RPSA2: variants seen among roughly 807,000 people sequenced by gnomAD.
RPSA2 encodes the protein small ribosomal subunit protein uS2B.
At chr19:23,773,276 A>G in the RPSA2 span, among the ~76,000 whole-genome samples, 1 of 85,130 alleles carries the variant, frequency 1.2e-5, no homozygotes, top group African/African-American at 4.6e-5. Flanking sequence ...TGATATATAT[A>G]TATATATATA....
At chr19:23,791,680 C>T in the RPSA2 span, among the ~76,000 whole-genome samples, 1 of 152,082 alleles carries the variant, frequency 6.6e-6, no homozygotes, top group Non-Finnish European at 1.5e-5. Flanking sequence ...CTCCCTAATT[C>T]ACTTTATCAA....
chr19:23,857,649 C>A, the RPSA2 span, among the ~76,000 whole-genome samples: 10 of 74,166 alleles, frequency 1.3e-4, no homozygotes, highest in Non-Finnish European at 1.9e-4. Context: ...CACCACCACA[C>A]CTAGCTAATT....
At chr19:23,805,030 C>CAGGACAGTGTGGCTTAGGTAAGGAT in the RPSA2 span, among the ~76,000 whole-genome samples, 2 of 152,074 alleles carry the variant, frequency 1.3e-5, no homozygotes, top group Non-Finnish European at 2.9e-5. Flanking sequence ...TTGTTAAGGA[C>CAGGACAGTGTGGCTTAGGTAAGGAT]AGGACAGTGT....
chr19:23,862,602 T>G, the RPSA2 span, among the ~76,000 whole-genome samples: 1 of 152,208 alleles, frequency 6.6e-6, no homozygotes, highest in Non-Finnish European at 1.5e-5. Context: ...TGTTGAATTT[T>G]TCAAAGGCCT....
the RPSA2 span, among the ~76,000 whole-genome samples, chr19:23,841,716 G>A: frequency 6.6e-6 from 1 of 151,452 alleles, no homozygotes; most frequent in Non-Finnish European, 1.5e-5. Context: ...TGTGTACAGG[G>A]TGAGCAGCTT....
the RPSA2 span, among the ~76,000 whole-genome samples, chr19:23,820,092 A>G: frequency 6.6e-6 from 1 of 152,162 alleles, no homozygotes; most frequent in Non-Finnish European, 1.5e-5. Context: ...ACATGTTTCA[A>G]TATCCCCCTG....
At chr19:23,765,879 A>G in the RPSA2 span, among the ~76,000 whole-genome samples, 16 of 152,318 alleles carry the variant, frequency 1.1e-4, no homozygotes. Flanking sequence ...ACACAGATGA[A>G]CAGGGTTCAA....
the RPSA2 span, among the ~76,000 whole-genome samples, chr19:23,866,149 C>G: frequency 7.0e-4 from 107 of 152,182 alleles, no homozygotes; most frequent in Non-Finnish European, 1.4e-3. Context: ...ACCAGTCTTC[C>G]TTAGCCACCA....
chr19:23,835,063 C>A, the RPSA2 span, among the ~76,000 whole-genome samples: 1 of 152,058 alleles, frequency 6.6e-6, no homozygotes, highest in Non-Finnish European at 1.5e-5. Flanking sequence ...GTATTACAAG[C>A]AATTCAATTC....
chr19:23,773,305 AGAC>A, the RPSA2 span, among the ~76,000 whole-genome samples: 1 of 145,162 alleles, frequency 6.9e-6, no homozygotes, highest in Non-Finnish European at 1.5e-5. Context: ...TTTTTTTTTA[AGAC>A]AGAGTCTCAC....
chr19:23,866,203 G>C, the RPSA2 span, among the ~76,000 whole-genome samples: 1 of 152,196 alleles, frequency 6.6e-6, no homozygotes, highest in Non-Finnish European at 1.5e-5. Context: ...TTACAGTGCA[G>C]TCTTTTCTAC....
At chr19:23,845,667 T>G in the RPSA2 span, among the ~76,000 whole-genome samples, 1 of 152,124 alleles carries the variant, frequency 6.6e-6, no homozygotes, top group African/African-American at 2.4e-5. Context: ...ATTTTTAAAT[T>G]TTTTTTGTAG....
chr19:23,772,073 C>T, the RPSA2 span, among the ~76,000 whole-genome samples: 3 of 152,196 alleles, frequency 2.0e-5, no homozygotes, highest in African/African-American at 7.2e-5. Context: ...GGATTGCGTG[C>T]TCCTGCCTGG....
At chr19:23,843,265 C>A in the RPSA2 span, 5 of 203,886 alleles carry the variant, frequency 2.5e-5, no homozygotes, top group South Asian at 4.2e-4. Flanking sequence ...AGACAGTGGT[C>A]AAATACTCTG....
At chr19:23,769,630 C>A in the RPSA2 span, among the ~76,000 whole-genome samples, 1 of 152,212 alleles carries the variant, frequency 6.6e-6, no homozygotes, top group Non-Finnish European at 1.5e-5. Context: ...AGGCGTGAGC[C>A]ACGATGCCCG....
chr19:23,860,438 C>A, the RPSA2 span, among the ~76,000 whole-genome samples: 47 of 152,310 alleles, frequency 3.1e-4, no homozygotes, highest in African/African-American at 1.1e-3. Context: ...AGAGTATCAC[C>A]TTTTCTTTCC....
At chr19:23,807,029 G>A in the RPSA2 span, among the ~76,000 whole-genome samples, 1 of 152,018 alleles carries the variant, frequency 6.6e-6, no homozygotes, top group Non-Finnish European at 1.5e-5. Flanking sequence ...AAACTTGTTC[G>A]AGTGCATTTG....
chr19:23,805,257 C>T, the RPSA2 span, among the ~76,000 whole-genome samples: 14 of 152,158 alleles, frequency 9.2e-5, no homozygotes, highest in Admixed American at 3.9e-4. Context: ...CTCCACCTCC[C>T]GCGTTCAAGC....
the RPSA2 span, among the ~76,000 whole-genome samples, chr19:23,870,088 C>A: frequency 1.3e-5 from 2 of 152,150 alleles, no homozygotes; most frequent in East Asian, 3.8e-4. Flanking sequence ...TGATGCCACC[C>A]CTGTTTGGCA....
Sources: gnomAD v4.1 joint callset for allele counts (sites outside exome capture counted in the v4.1 genomes callset) on GRCh38, gnomAD v4.1.1 for gene constraint, MANE v1.5 for transcripts, NCBI Gene and HGNC (gene_info 2026-07-23, HGNC 2026-07-21) for gene names.